The following SIPA1L2 variants were observed in gnomAD, a reference collection of about 807,000 sequenced individuals.
SIPA1L2 encodes signal-induced proliferation-associated 1-like protein 2.
A neutral mutation model predicts 163.9 loss-of-function variants in SIPA1L2; 56 were observed. The observed-to-expected ratio is 0.34, with a 90% CI of 0.28 to 0.43. The LOEUF is 0.43. SIPA1L2 is among the 20% of genes least tolerant of loss of function. The probability of loss-of-function intolerance (pLI) is 1.00; values close to 1 mark genes in which losing one functional copy is unlikely to be tolerated. For missense variants in SIPA1L2, 1,974 were observed against 2,193.5 expected (o/e 0.90, Z 2.00); for synonymous variants, 877 against 865.7 (o/e 1.01, Z -0.23).
At chr1:232,479,263 C>T (rs1250093389) in intron 7 of SIPA1L2, among the ~76,000 whole-genome samples, 1 of 151,734 alleles carries the variant, frequency 6.6e-6, no homozygotes, top group Non-Finnish European at 1.5e-5. Context: ...CCAGTAACAA[C>T]TGCAAACAGT....
At chr1:232,530,012 A>G (rs766054740) in intron 2 of SIPA1L2, among the ~76,000 whole-genome samples, 1 of 152,098 alleles carries the variant, frequency 6.6e-6, no homozygotes, top group Non-Finnish European at 1.5e-5. Context: ...TTAAAGCATA[A>G]CTTCTCTGAC....
chr1:232,567,814 A>C (rs1363742385), intron 2 of SIPA1L2, among the ~76,000 whole-genome samples: 1 of 152,234 alleles, frequency 6.6e-6, no homozygotes, highest in East Asian at 1.9e-4. Context: ...CCAAGGCCTA[A>C]TCGGAGGGTT....
chr1:232,628,420 T>C (rs886299410), intron 1 of SIPA1L2, among the ~76,000 whole-genome samples: 3 of 152,232 alleles, frequency 2.0e-5, no homozygotes, highest in African/African-American at 7.2e-5. Context: ...AATCAAGCAG[T>C]GAAATTCAAT....
chr1:232,433,696 G>T (rs1429545019), intron 15 of SIPA1L2, among the ~76,000 whole-genome samples: 1 of 152,154 alleles, frequency 6.6e-6, no homozygotes, highest in South Asian at 2.1e-4. Context: ...AAATTAGAAA[G>T]ATCAACAATA....
chr1:232,478,903 C>G (rs1004213395), intron 7 of SIPA1L2, among the ~76,000 whole-genome samples: 1 of 152,224 alleles, frequency 6.6e-6, no homozygotes, highest in Non-Finnish European at 1.5e-5. Context: ...CATAGATCGT[C>G]TATCCCAAAC....
intron 5 of SIPA1L2, among the ~76,000 whole-genome samples, chr1:232,488,844 A>G (rs1163412949): frequency 6.6e-6 from 1 of 152,232 alleles, no homozygotes; most frequent in African/African-American, 2.4e-5. Context: ...GGGGGCCATC[A>G]AAAGTTTTCC....
At chr1:232,459,924 C>T (rs915573929) in intron 10 of SIPA1L2, among the ~76,000 whole-genome samples, 2 of 152,110 alleles carry the variant, frequency 1.3e-5, no homozygotes, top group African/African-American at 2.4e-5. Context: ...AGGAGGTAGG[C>T]GATATAATAA....
intron 7 of SIPA1L2, among the ~76,000 whole-genome samples, chr1:232,474,610 A>C (rs919176794): frequency 6.6e-6 from 1 of 152,238 alleles, no homozygotes; most frequent in Non-Finnish European, 1.5e-5. Context: ...AGCTGCAAAA[A>C]AATTTGAAAT....
intron 1 of SIPA1L2, among the ~76,000 whole-genome samples, chr1:232,614,114 A>T (rs1049833058): frequency 6.6e-6 from 1 of 152,284 alleles, no homozygotes; most frequent in Middle Eastern, 3.4e-3. Context: ...CCAACAGACT[A>T]CACTAACTTA....
At chr1:232,501,693 G>A (rs1666488742) in intron 3 of SIPA1L2, among the ~76,000 whole-genome samples, 1 of 152,180 alleles carries the variant, frequency 6.6e-6, no homozygotes, top group South Asian at 2.1e-4. Flanking sequence ...GGCTACAGGG[G>A]GAGGAGAGAG....
chr1:232,625,549 G>A (rs1050711854), intron 1 of SIPA1L2, among the ~76,000 whole-genome samples: 1 of 152,130 alleles, frequency 6.6e-6, no homozygotes, highest in Non-Finnish European at 1.5e-5. Context: ...AAGGAAACTC[G>A]TTGAGTCTGG....
At chr1:232,419,792 G>C (rs565701849) in intron 18 of SIPA1L2, among the ~76,000 whole-genome samples, 3 of 152,268 alleles carry the variant, frequency 2.0e-5, no homozygotes, top group Admixed American at 6.5e-5. Flanking sequence ...AGCAATGCAA[G>C]AACAGCCTAA....
intron 8 of SIPA1L2, 103 bp downstream of exon 8, chr1:232,471,268 C>G (rs1384263084): frequency 7.8e-7 from 1 of 1,274,270 alleles, no homozygotes; most frequent in African/African-American, 1.5e-5. Context: ...ATTAGAAAAT[C>G]ACAAAGTTGC....
intron 2 of SIPA1L2, among the ~76,000 whole-genome samples, chr1:232,527,443 G>C (rs951333424): frequency 3.8e-4 from 58 of 152,142 alleles, no homozygotes; most frequent in Non-Finnish European, 7.1e-4. Context: ...TAGGCACAGG[G>C]AGCAAATTCC....
chr1:232,612,747 T>C (rs1056768226), intron 1 of SIPA1L2, among the ~76,000 whole-genome samples: 1 of 152,178 alleles, frequency 6.6e-6, no homozygotes, highest in African/African-American at 2.4e-5. Context: ...AGATGAGACT[T>C]TGGACTGTTA....
chr1:232,622,100 G>A (rs1558310751), intron 1 of SIPA1L2, among the ~76,000 whole-genome samples: 1 of 152,178 alleles, frequency 6.6e-6, no homozygotes, highest in Non-Finnish European at 1.5e-5. Context: ...AAATAAAATT[G>A]GTTGATAAAT....
chr1:232,599,324 A>G (rs947924378), intron 1 of SIPA1L2, among the ~76,000 whole-genome samples: 1 of 152,220 alleles, frequency 6.6e-6, no homozygotes, highest in African/African-American at 2.4e-5. Context: ...CTAAACCAAA[A>G]GCTTGCTCCC....
intron 5 of SIPA1L2, among the ~76,000 whole-genome samples, chr1:232,489,147 T>C (rs1179431322): frequency 6.6e-6 from 1 of 152,142 alleles, no homozygotes; most frequent in African/African-American, 2.4e-5. Flanking sequence ...TGCTCTGTAG[T>C]ACAGTGATAT....
In SIPA1L2 at chr1:232,564,234, TCGTGTGTGTGTG is replaced by T. The variant is rs1337448611; in HGVS notation, c.-270+9928_-270+9939del. On this transcript the variant is annotated intron_variant, in intron 2 of 22. Transcript: ENST00000674635. ...TGAACGACAAAGGTTTTTTTTTTTT[TCGTGTGTGTGTG>T]TGTGTGTGTGTGTGTGTGTGTGTGT... 4.2e-3 allele frequency among the ~76,000 whole-genome samples: 192 copies of T among 45,530 alleles called. 17 individuals carry two copies. The highest frequency in any genetic ancestry group is 0.016 in the African/African-American group (118 of 7,546). 29.9% of individuals were successfully genotyped at this position (45,530 alleles called of 152,430 possible).
Sources: gnomAD v4.1 joint callset for allele counts (sites outside exome capture counted in the v4.1 genomes callset) on GRCh38, gnomAD v4.1.1 for gene constraint, MANE v1.5 for transcripts, NCBI Gene and HGNC (gene_info 2026-07-23, HGNC 2026-07-21) for gene names.